DARS2: variants seen among roughly 807,000 people sequenced by gnomAD.
DARS2 encodes the protein aspartate--tRNA ligase, mitochondrial.
Under a neutral mutation model 83.0 loss-of-function variants are expected in DARS2, and 63 were observed. The ratio of observed to expected loss-of-function variants is 0.76; its 90% CI spans 0.62 to 0.94. The LOEUF is 0.94. Ranked by LOEUF, DARS2 falls within the 40% of genes least tolerant of loss-of-function variation. The pLI is 0.00. For synonymous variants in DARS2, 250 were observed against 269.3 expected (o/e 0.93, Z 0.70); for missense variants, 675 against 774.4 (o/e 0.87, Z 1.52).
In DARS2 at chr1:173,825,152, G is replaced by C; in HGVS notation, c.-78G>C. 1 of 1,583,450 alleles carries C rather than the reference G, an allele frequency of 6.3e-7. No homozygotes were observed. The highest frequency in any genetic ancestry group is 1.1e-5 in the South Asian group (1 of 90,298). ...ACTCCTGGAATTTTAAGGGATTTCTGTGTATTTCCAAAACTGACTTTTAAC... is the reference window on the plus strand; with the variant it reads ...ACTCCTGGAATTTTAAGGGATTTCTCTGTATTTCCAAAACTGACTTTTAAC... On this transcript the variant is annotated 5_prime_UTR_variant, in exon 1 of 17. Coordinates refer to ENST00000649689, the MANE Select transcript of DARS2 (RefSeq NM_018122.5).
intron 3 of DARS2, among the ~76,000 whole-genome samples, chr1:173,829,271 A>G (rs1243918091): frequency 1.3e-5 from 2 of 151,886 alleles, no homozygotes; most frequent in African/African-American, 2.4e-5. Context: ...CTGGAAGGAT[A>G]CCTAAGTATC....
rs746151025 is a variant in DARS2, at chr1:173,826,665, CTTTTTTTT to C, written c.128-12_128-5del. The C allele has an allele frequency of 1.6e-6, 2 of 1,260,702 alleles. No homozygotes were observed. Among genetic ancestry groups the C allele is most frequent in the Admixed American group, 4.4e-5 (2 of 44,944 alleles). 78.1% of individuals were successfully genotyped at this position (1,260,702 alleles called of 1,614,324 possible). A position where few individuals can be genotyped will look rare whatever the true frequency, so the allele number is the denominator to read the frequency against. On this transcript the variant is annotated splice_polypyrimidine_tract_variant and intron_variant, in intron 1 of 16. Coordinates refer to ENST00000649689, the MANE Select transcript of DARS2 (RefSeq NM_018122.5). The stretch of plus-strand genomic sequence containing the variant: ...TTTTTAATCTTGCCTTTTAAAGTTT[CTTTTTTTT>C]TTTTTTTTTAAAGAATTCAGTAGCT...
chr1:173,824,801 C>T lies in DARS2; in HGVS notation c.-429C>T. On this transcript the variant is annotated 5_prime_UTR_variant, in exon 1 of 17. Transcript: ENST00000649689. ...CAGGTCTGCGAGATTTGAAACGCGACTGTTACTCCTTGTTTTCCGGTTCTG... is the reference window on the plus strand; with the variant it reads ...CAGGTCTGCGAGATTTGAAACGCGATTGTTACTCCTTGTTTTCCGGTTCTG... 5.0e-6 allele frequency: 1 copy of T among 200,500 alleles called. No homozygotes were observed. Among genetic ancestry groups the T allele is most frequent in the East Asian group, 1.4e-4 (1 of 7,404 alleles). 12.4% of individuals were successfully genotyped at this position (200,500 alleles called of 1,614,324 possible). A position where few individuals can be genotyped will look rare whatever the true frequency, so the allele number is the denominator to read the frequency against.
chr1:173,847,079 A>C (rs1230915916), intron 12 of DARS2, among the ~76,000 whole-genome samples: 1 of 152,206 alleles, frequency 6.6e-6, no homozygotes, highest in East Asian at 1.9e-4. Context: ...TCATACCTCA[A>C]GCACAACGAA....
In DARS2 at chr1:173,849,421, C is replaced by T. The variant is rs952246183; in HGVS notation, c.1192-906C>T. ...TGTTGACACACATCTGTAATCCCAG[C>T]GACTAGGGAGGCTGAGGCAGGAGAA... is the stretch of plus-strand genomic sequence containing the variant. On this transcript the variant is annotated intron_variant, in intron 12 of 16. Transcript: ENST00000649689. 2.6e-5 allele frequency among the ~76,000 whole-genome samples: 4 copies of T among 151,362 alleles called. No individual in the cohort carries two copies. In the East Asian group the frequency reaches 5.8e-4, roughly 22 times the overall value.
At chr1:173,837,176 T>C in intron 8 of DARS2, 130 bp downstream of exon 8, 2 of 821,980 alleles carry the variant, frequency 2.4e-6, no homozygotes, top group Non-Finnish European at 4.0e-6. Context: ...AGAATACTTA[T>C]AAAATGCCCT....
At chr1:173,848,923 CTT>C (rs374531708) in intron 12 of DARS2, among the ~76,000 whole-genome samples, 1 of 152,212 alleles carries the variant, frequency 6.6e-6, no homozygotes, top group African/African-American at 2.4e-5. Flanking sequence ...AATTTAACCT[CTT>C]TTCTTTTGCA....
Position 173,853,465 on chromosome 1 carries a change from C to T in DARS2, c.1461C>T (p.Phe487=). 1.2e-6 allele frequency: 2 copies of T among 1,614,136 alleles called. No homozygotes were observed. The highest frequency in any genetic ancestry group is 8.5e-7 in the Non-Finnish European group (1 of 1,180,022). The change falls in exon 14 of 17, where the codon TTC becomes TTT. Residue 487 remains phenylalanine (F), a synonymous_variant. Coordinates refer to ENST00000649689, the MANE Select transcript of DARS2 (RefSeq NM_018122.5). ...SFLWVVDFPL[F]LPKEENPREL... ...TTTGGGTGGTAGATTTCCCACTCTT[C>T]CTGCCCAAGGAGGAAAATCCCAGAG...
chr1:173,827,289 C>T (rs1409029441), intron 2 of DARS2, among the ~76,000 whole-genome samples: 1 of 152,150 alleles, frequency 6.6e-6, no homozygotes, highest in African/African-American at 2.4e-5. Context: ...CTGAATAGAA[C>T]ATTAATTCAC....
At chr1:173,833,086 A>G (rs190227341) in intron 5 of DARS2, among the ~76,000 whole-genome samples, 175 of 152,214 alleles carry the variant, frequency 1.1e-3, no homozygotes, top group Middle Eastern at 3.4e-3. Flanking sequence ...AAATCTTTAA[A>G]TTTTTTTCAA....
chr1:173,832,972 G>A (rs56660187), intron 5 of DARS2, among the ~76,000 whole-genome samples: 3,732 of 152,106 alleles, frequency 0.025, 164 homozygotes, highest in African/African-American at 0.086. Context: ...CTGTGCTCAA[G>A]TGATCCTCCC....
chr1:173,826,806 C>A lies in DARS2; in HGVS notation c.227+20C>A. ...CCGAAGGTAAATTGAGAAAGACAGT[C>A]TAAGAATGCATGGTGGTGGTTTTCC... is the stretch of plus-strand genomic sequence containing the variant. On this transcript the variant is annotated intron_variant, in intron 2 of 16. Transcript: ENST00000649689. The A allele has an allele frequency of 6.5e-7, 1 of 1,538,882 alleles. No individual in the cohort carries two copies. Among genetic ancestry groups the A allele is most frequent in the Non-Finnish European group, 9.0e-7 (1 of 1,111,558 alleles).
chr1:173,834,572 C>G, intron 7 of DARS2, 53 bp downstream of exon 7: 2 of 1,412,130 alleles, frequency 1.4e-6, no homozygotes, highest in Non-Finnish European at 2.0e-6. Context: ...AGTTATAAAG[C>G]TAGACTACTT....
intron 15 of DARS2, 45 bp downstream of exon 15, chr1:173,853,950 A>C (rs1362819731): frequency 1.3e-6 from 2 of 1,518,948 alleles, no homozygotes; most frequent in African/African-American, 1.4e-5. Context: ...TTTTACCAGA[A>C]TATTTTTCAG....
At position 173,825,471 on chromosome 1, in the gene DARS2, A is replaced by ATTATTATTATTATT. The variant is rs1483790616; in HGVS notation, c.127+117_127+130dup. 75 of 694,104 alleles carry ATTATTATTATTATT rather than the reference A, an allele frequency of 1.1e-4. No homozygotes were observed. In the African/African-American group the frequency reaches 1.5e-3, roughly 14 times the overall value. The allele number at this position is 694,104 out of a possible 1,614,324, so 43.0% of individuals were successfully genotyped here. On this transcript the variant is annotated intron_variant, in intron 1 of 16. Transcript: ENST00000649689. ...CCCCATTATTATTATTATTATTATT[A>ATTATTATTATTATT]TTATTATTATTATTTGAGACGGAGT...
intron 12 of DARS2, among the ~76,000 whole-genome samples, chr1:173,847,620 G>A (rs899177392): frequency 1.3e-5 from 2 of 152,078 alleles, no homozygotes; most frequent in Non-Finnish European, 2.9e-5. Flanking sequence ...AAAAAATAAA[G>A]AACCATTAAT....
Position 173,858,048 on chromosome 1 carries a change from A to T in DARS2, c.*343A>T. 3.3e-6 allele frequency: 1 copy of T among 301,764 alleles called. No individual in the cohort carries two copies. Among genetic ancestry groups the T allele is most frequent in the Non-Finnish European group, 6.5e-6 (1 of 154,956 alleles). The allele number at this position is 301,764 out of a possible 1,614,324, so 18.7% of individuals were successfully genotyped here. ...TAGATTATTCACTTAGGACAGAGGTAATCAAATTATGTGTGAAATGTAGGA... is the reference window on the plus strand; with the variant it reads ...TAGATTATTCACTTAGGACAGAGGTTATCAAATTATGTGTGAAATGTAGGA... On this transcript the variant is annotated 3_prime_UTR_variant, in exon 17 of 17. Coordinates refer to ENST00000649689, the MANE Select transcript of DARS2 (RefSeq NM_018122.5).
intron 12 of DARS2, among the ~76,000 whole-genome samples, chr1:173,848,172 G>A (rs1653515070): frequency 6.6e-6 from 1 of 151,978 alleles, no homozygotes; most frequent in Non-Finnish European, 1.5e-5. Flanking sequence ...ATTCTTTTCT[G>A]AGTTGAAGCC....
chr1:173,832,597 C>T (rs941999856), intron 5 of DARS2, among the ~76,000 whole-genome samples: 4 of 151,774 alleles, frequency 2.6e-5, no homozygotes, highest in Non-Finnish European at 4.4e-5. Flanking sequence ...GGTGAAACCC[C>T]GTCTCTACTA....
Sources: gnomAD v4.1 joint callset for allele counts (sites outside exome capture counted in the v4.1 genomes callset) on GRCh38, gnomAD v4.1.1 for gene constraint, MANE v1.5 for transcripts, NCBI Gene and HGNC (gene_info 2026-07-23, HGNC 2026-07-21) for gene names.